Variants in NRG4 observed in about 807,000 individuals in gnomAD.
The protein encoded by NRG4 is neuregulin 4, also known as pro-neuregulin-4, membrane-bound isoform.
A neutral mutation model predicts 15.0 loss-of-function variants in NRG4; 10 were observed. That is an observed-to-expected ratio of 0.67 (90% CI 0.41 to 1.13). The LOEUF (loss-of-function observed/expected upper bound fraction) is 1.13. Among genes scored for constraint, NRG4 ranks in the 50% most tolerant of loss-of-function variants. NRG4 has a pLI of 0.00. For synonymous variants in NRG4, 41 were observed against 50.1 expected, an observed-to-expected ratio of 0.82 and a Z score of 0.77; for missense variants, 139 against 140.2, an observed-to-expected ratio of 0.99 and a Z score of 0.04.
Position 76,041,789 on chromosome 15 carries a change from A to G in NRG4, c.-104-5798T>C, listed in dbSNP as rs186961701. ...CAGATCTTCCAGACAGAAAATAAAC[A>G]AAGAAACATCAGACTTAATCTGTAC... On this transcript the variant is annotated intron_variant, in intron 4 of 8. Transcript: ENST00000563910. Among the ~76,000 whole-genome samples the G allele has an allele frequency of 1.9e-3, 290 of 152,298 alleles. 1 individual carries two copies. Among genetic ancestry groups the G allele is most frequent in the African/African-American group, 6.7e-3 (277 of 41,584 alleles).
intron 2 of NRG4, 43 bp from the exon 3 acceptor site, chr15:76,009,336 G>T (rs746695638): frequency 1.1e-6 from 1 of 912,408 alleles, no homozygotes; most frequent in Admixed American, 2.7e-5. Flanking sequence ...GCAAATTAAA[G>T]TTTTCCTAAT....
chr15:76,054,480 T>C (rs1219488966), intron 2 of NRG4, among the ~76,000 whole-genome samples: 1 of 151,950 alleles, frequency 6.6e-6, no homozygotes, highest in Non-Finnish European at 1.5e-5. Context: ...AGTGGCACGA[T>C]CTTGGCTCAC....
At position 76,039,895 on chromosome 15, in the gene NRG4, G is replaced by A. The variant is rs573937974; in HGVS notation, c.-104-3904C>T. On this transcript the variant is annotated intron_variant, in intron 4 of 8. Coordinates refer to the NRG4 transcript ENST00000563910. ...AAACCCTGTCCCAAATTAGCTGGGCGTGGTGGCACACACCTATGCTCTCAG... is the reference window on the plus strand; with the variant it reads ...AAACCCTGTCCCAAATTAGCTGGGCATGGTGGCACACACCTATGCTCTCAG... 6.6e-5 allele frequency among the ~76,000 whole-genome samples: 10 copies of A among 152,184 alleles called. No individual in the cohort carries two copies. In the East Asian group the frequency reaches 7.7e-4, roughly 12 times the overall value.
intron 1 of NRG4, 193 bp downstream of exon 1, chr15:76,012,126 C>G (rs1053615802): frequency 2.6e-5 from 4 of 152,012 alleles, no homozygotes; most frequent in Non-Finnish European, 5.9e-5. Context: ...ATACCAAGGT[C>G]TTCTCTCAAA....
chr15:76,016,051 G>A (rs529559320), upstream of NRG4, among the ~76,000 whole-genome samples: 9 of 152,090 alleles, frequency 5.9e-5, no homozygotes, highest in African/African-American at 1.2e-4. Context: ...TCAGGGATTC[G>A]ACTTCTTCCT....
At chr15:75,986,974 A>G (rs925480927) in intron 3 of NRG4, among the ~76,000 whole-genome samples, 28 of 152,326 alleles carry the variant, frequency 1.8e-4, no homozygotes, top group African/African-American at 5.8e-4. Flanking sequence ...TTGCTTATAT[A>G]TGGAGCTGAG....
At chr15:76,004,103 T>C (rs966718034) in intron 3 of NRG4, among the ~76,000 whole-genome samples, 34 of 152,308 alleles carry the variant, frequency 2.2e-4, no homozygotes, top group African/African-American at 7.2e-4. Flanking sequence ...GCACACAATA[T>C]ATAAAAATAT....
chr15:75,935,589 GA>G (rs1198652442), downstream of NRG4: 1 of 150,356 alleles, frequency 6.7e-6, no homozygotes, highest in Non-Finnish European at 1.5e-5. Context: ...CCTAGAAATA[GA>G]TCCACCCTTG....
intron 5 of NRG4, among the ~76,000 whole-genome samples, chr15:76,023,533 T>C (rs979804362): frequency 6.6e-6 from 1 of 152,192 alleles, no homozygotes; most frequent in African/African-American, 2.4e-5. Flanking sequence ...TGGGAATTTA[T>C]GCAACTACAC....
intron 2 of NRG4, among the ~76,000 whole-genome samples, chr15:76,055,463 G>A (rs901098921): frequency 6.6e-6 from 1 of 152,126 alleles, no homozygotes; most frequent in African/African-American, 2.4e-5. Flanking sequence ...TGTTTACAAA[G>A]AATCTACTGT....
downstream of NRG4, chr15:75,940,290 G>A (rs1383962683): frequency 1.3e-5 from 2 of 151,932 alleles, no homozygotes; most frequent in Non-Finnish European, 2.9e-5. Context: ...TACCCAAGGT[G>A]GTAAATGGCT....
chr15:76,003,222 C>A (rs1214826389), intron 3 of NRG4, among the ~76,000 whole-genome samples: 2 of 151,880 alleles, frequency 1.3e-5, no homozygotes, highest in African/African-American at 4.8e-5. Flanking sequence ...ATTAACAGAT[C>A]AAAGAAAACT....
upstream of NRG4, among the ~76,000 whole-genome samples, chr15:76,013,108 A>T (rs1425796292): frequency 6.6e-6 from 1 of 152,246 alleles, no homozygotes. Context: ...TATCTTTTCT[A>T]AAACGACAAT....
intron 1 of NRG4, among the ~76,000 whole-genome samples, chr15:76,011,765 G>A (rs898182618): frequency 1.3e-5 from 2 of 152,020 alleles, no homozygotes; most frequent in Non-Finnish European, 2.9e-5. Flanking sequence ...GGGCTGATAG[G>A]TGCGGCAAAC....
At chr15:76,016,157 A>G (rs959757051), upstream of NRG4, among the ~76,000 whole-genome samples, 1 of 152,048 alleles carries the variant, frequency 6.6e-6, no homozygotes, top group Non-Finnish European at 1.5e-5. Flanking sequence ...GTATTCTCTG[A>G]TGGTAGTTTA....
upstream of NRG4, among the ~76,000 whole-genome samples, chr15:76,013,916 A>G (rs1163885267): frequency 6.6e-6 from 1 of 152,214 alleles, no homozygotes; most frequent in Admixed American, 6.5e-5. Context: ...GGGAATCACC[A>G]CACTGTCTTC....
At chr15:76,018,987 C>T (rs1007697219) in intron 5 of NRG4, among the ~76,000 whole-genome samples, 2 of 152,000 alleles carry the variant, frequency 1.3e-5, no homozygotes, top group Non-Finnish European at 2.9e-5. Flanking sequence ...CCATAACCCC[C>T]TGACTGGGGC....
chr15:76,015,326 C>G (rs534134785), upstream of NRG4, among the ~76,000 whole-genome samples: 6 of 152,174 alleles, frequency 3.9e-5, no homozygotes, highest in Non-Finnish European at 7.4e-5. Flanking sequence ...ATTTGAATAA[C>G]CTTTATTTCT....
chr15:76,004,601 A>C (rs1052744319), intron 3 of NRG4, among the ~76,000 whole-genome samples: 31 of 143,480 alleles, frequency 2.2e-4, no homozygotes, highest in African/African-American at 8.5e-4. Flanking sequence ...CTCCGTCTCA[A>C]AAAAAAAAAA....
Sources: gnomAD v4.1 joint callset for allele counts (sites outside exome capture counted in the v4.1 genomes callset) on GRCh38, gnomAD v4.1.1 for gene constraint, MANE v1.5 for transcripts, NCBI Gene and HGNC (gene_info 2026-07-23, HGNC 2026-07-21) for gene names.